The following PPP1R21 variants were observed in gnomAD, a reference collection of about 807,000 sequenced individuals.
PPP1R21 encodes KLRAQ motif containing 1.
Under a neutral mutation model 112.8 loss-of-function variants are expected in PPP1R21, and 85 were observed. The observed-to-expected ratio is 0.75, with a 90% CI of 0.63 to 0.90. PPP1R21 has a LOEUF of 0.90. PPP1R21 is among the 40% of genes least tolerant of loss of function. The pLI is 0.00. For synonymous variants in PPP1R21, 381 were observed against 322.3 expected (o/e 1.18, Z -1.95); for missense variants, 1,199 against 901.5 (o/e 1.33, Z -4.23).
At chr2:48,474,900 G>A (rs2103865681) in intron 12 of PPP1R21, 81 bp downstream of exon 12, 2 of 1,245,274 alleles carry the variant, frequency 1.6e-6, no homozygotes, top group East Asian at 4.7e-5. Flanking sequence ...GTTTAGCTAA[G>A]TAGAGTGAGA....
Position 48,503,015 on chromosome 2 carries a change from G to A in PPP1R21, c.1936-2549G>A, listed in dbSNP as rs796585660. On this transcript the variant is annotated intron_variant, in intron 17 of 21. Coordinates refer to ENST00000294952, the MANE Select transcript of PPP1R21 (RefSeq NM_001135629.3). ...TTTCTAACTCTGTAACATTTCAAGA[G>A]TTAAATGCTTGTTATTTTTAGCAAG... Among the ~76,000 whole-genome samples, 52 of 152,088 alleles carry A rather than the reference G, an allele frequency of 3.4e-4. 1 individual carries two copies. Among genetic ancestry groups the A allele is most frequent in the African/African-American group, 1.3e-3 (52 of 41,488 alleles).
intron 17 of PPP1R21, among the ~76,000 whole-genome samples, chr2:48,500,288 C>G (rs368118471): frequency 1.3e-5 from 2 of 151,944 alleles, no homozygotes; most frequent in African/African-American, 4.8e-5. Flanking sequence ...CTGCAACTTA[C>G]GCTCACATGT....
chr2:48,474,873 G>A, intron 12 of PPP1R21, 54 bp downstream of exon 12: 15 of 1,510,388 alleles, frequency 9.9e-6, no homozygotes, highest in Non-Finnish European at 1.3e-5. Flanking sequence ...AGTACAAGAA[G>A]CTGGAAAAGG....
At chr2:48,463,388 G>A (rs887833554) in intron 7 of PPP1R21, among the ~76,000 whole-genome samples, 2 of 152,174 alleles carry the variant, frequency 1.3e-5, no homozygotes, top group African/African-American at 4.8e-5. Flanking sequence ...ACTGGGTTTG[G>A]TGACTGGATT....
At chr2:48,467,246 A>G (rs931185518) in intron 9 of PPP1R21, among the ~76,000 whole-genome samples, 4 of 152,270 alleles carry the variant, frequency 2.6e-5, no homozygotes, top group East Asian at 1.9e-4. Flanking sequence ...TTTTTGGGCC[A>G]TTAGATTTTG....
Position 48,454,727 on chromosome 2 carries a change from G to T in PPP1R21, c.259G>T (p.Gly87Cys). 6.2e-7 allele frequency: 1 copy of T among 1,613,958 alleles called. No individual in the cohort carries two copies. The highest frequency in any genetic ancestry group is 8.5e-7 in the Non-Finnish European group (1 of 1,179,900). Residue 87 changes from glycine to cysteine, a missense_variant, in exon 3 of 22, where the codon GGC becomes TGC. Transcript: ENST00000294952. ...QDELALSEPR[G>C]KKNKKSGESS... is the part of the protein sequence containing the mutation. The stretch of plus-strand genomic sequence containing the variant: ...TGAACTAGCTCTAAGTGAACCACGA[G>T]GCAAGAAAAACAAGGTAGGTTCAAA...
At chr2:48,512,071 C>G (rs183518405) in intron 21 of PPP1R21, among the ~76,000 whole-genome samples, 21 of 152,184 alleles carry the variant, frequency 1.4e-4, no homozygotes, top group Admixed American at 4.6e-4. Flanking sequence ...TCACAAAGGG[C>G]TTTAGGAAAG....
intron 3 of PPP1R21, 122 bp from the exon 4 acceptor site, chr2:48,458,004 T>G: frequency 2.8e-6 from 2 of 702,188 alleles, no homozygotes; most frequent in Non-Finnish European, 2.7e-6. Context: ...TTTTGCAGGA[T>G]TGTTTGAGAA....
intron 9 of PPP1R21, among the ~76,000 whole-genome samples, chr2:48,467,825 A>G (rs956829946): frequency 6.6e-6 from 1 of 152,220 alleles, no homozygotes; most frequent in Non-Finnish European, 1.5e-5. Flanking sequence ...AATTGAAGCC[A>G]TCTTAGAAGC....
intron 11 of PPP1R21, 47 bp from the exon 12 acceptor site, chr2:48,474,636 G>T: frequency 6.4e-7 from 1 of 1,551,546 alleles, no homozygotes; most frequent in South Asian, 1.2e-5. Context: ...GTAGCTAATT[G>T]AAAATCGTTT....
chr2:48,486,886 T>C, intron 14 of PPP1R21, 128 bp downstream of exon 14: 2 of 960,258 alleles, frequency 2.1e-6, no homozygotes, highest in Non-Finnish European at 1.5e-6. Flanking sequence ...TAAAGTTGTC[T>C]CTCTTTCCTC....
chr2:48,502,969 C>T (rs143706566), intron 17 of PPP1R21, among the ~76,000 whole-genome samples: 49 of 152,036 alleles, frequency 3.2e-4, no homozygotes, highest in African/African-American at 1.1e-3. Flanking sequence ...TGTGAGCTGC[C>T]GCGCCCAGCC....
chr2:48,479,376 G>C, intron 12 of PPP1R21: 1 of 431,976 alleles, frequency 2.3e-6, no homozygotes, highest in South Asian at 1.7e-5. Context: ...GCCTCTCACT[G>C]TTATTACTGA....
At chr2:48,480,099 C>T (rs1374439125) in intron 13 of PPP1R21, 83 bp downstream of exon 13, 2 of 948,756 alleles carry the variant, frequency 2.1e-6, no homozygotes, top group East Asian at 2.4e-5. Context: ...ACAAACACTG[C>T]CAAGGGTAAT....
intron 17 of PPP1R21, among the ~76,000 whole-genome samples, chr2:48,499,597 A>G (rs1558513017): frequency 6.6e-6 from 1 of 152,202 alleles, no homozygotes. Context: ...ATAATAAAAA[A>G]GAAATAACCA....
intron 1 of PPP1R21, among the ~76,000 whole-genome samples, chr2:48,442,566 TAAC>T (rs1458432663): frequency 3.3e-5 from 5 of 152,206 alleles, no homozygotes; most frequent in Non-Finnish European, 7.3e-5. Context: ...GGGTTCAGCT[TAAC>T]AAGTCACCTT....
chr2:48,496,893 G>C (rs62135167), intron 16 of PPP1R21, among the ~76,000 whole-genome samples: 82,411 of 152,084 alleles, frequency 0.54, 22,577 homozygotes, highest in Middle Eastern at 0.65. Flanking sequence ...ACACATAGAG[G>C]CTCTTGGAGG....
At position 48,465,549 on chromosome 2, in the gene PPP1R21, G is replaced by T. The variant is rs754591023; in HGVS notation, c.804G>T (p.Thr268=). 1 of 1,613,680 alleles carries T rather than the reference G, an allele frequency of 6.2e-7. No individual in the cohort carries two copies. Among genetic ancestry groups the T allele is most frequent in the East Asian group, 2.2e-5 (1 of 44,870 alleles). Residue 268 remains threonine (T), a synonymous_variant, in exon 9 of 22, where the codon ACG becomes ACT. Transcript: ENST00000294952. ...QALAFVQDLV[T]ALLNFHTYTE... ...TGGCTTTTGTTCAGGATCTTGTGAC[G>T]GCTCTTCTAAACTTTCATACCTACA...
rs141579050 is a variant in PPP1R21 at position 48,446,057 on chromosome 2, A to G, written c.58-4951A>G. Among the ~76,000 whole-genome samples, 69 of 152,294 alleles carry G rather than the reference A, an allele frequency of 4.5e-4. No individual in the cohort carries two copies. In the East Asian group the frequency reaches 0.013, roughly 28 times the overall value. The stretch of plus-strand genomic sequence containing the variant: ...CACTTTGTATTGAAGAAAAGACTGT[A>G]TGTTTAAAAGTTTATTTTATAGGGT... On this transcript the variant is annotated intron_variant, in intron 1 of 21. Coordinates refer to ENST00000294952, the MANE Select transcript of PPP1R21 (RefSeq NM_001135629.3).
Sources: allele counts gnomAD v4.1 joint callset (sites outside exome capture counted in the v4.1 genomes callset), GRCh38; gene constraint gnomAD v4.1.1; transcripts MANE v1.5; gene names NCBI Gene and HGNC (gene_info 2026-07-23, HGNC 2026-07-21).